Variants in CEP112 observed in about 807,000 individuals in gnomAD.
CEP112 encodes centrosomal protein 112, also known as centrosomal protein of 112 kDa.
Under a neutral mutation model 153.0 loss-of-function variants are expected in CEP112, and 127 were observed. The observed-to-expected ratio is 0.83, with a 90% CI of 0.72 to 0.96. The LOEUF is 0.96. CEP112 is among the 40% of genes least tolerant of loss of function. The pLI is 0.00. For missense variants in CEP112, 1,089 were observed against 1,101.2 expected (o/e 0.99, Z 0.16); for synonymous variants, 358 against 374.4 (o/e 0.96, Z 0.51).
chr17:66,039,897 T>C (rs912588280), intron 12 of CEP112, among the ~76,000 whole-genome samples: 51 of 152,224 alleles, frequency 3.4e-4, no homozygotes, highest in Non-Finnish European at 4.7e-4. Context: ...TCATCCATGT[T>C]GTGGAATGTA....
chr17:65,938,677 A>G (rs1029558338), intron 18 of CEP112, among the ~76,000 whole-genome samples: 1 of 152,292 alleles, frequency 6.6e-6, no homozygotes, highest in Non-Finnish European at 1.5e-5. Context: ...CTGATGACAT[A>G]AACTATATAC....
intron 8 of CEP112, among the ~76,000 whole-genome samples, chr17:66,081,912 C>T (rs2067735947): frequency 1.3e-5 from 2 of 151,984 alleles, no homozygotes. Flanking sequence ...AAGACTCCAT[C>T]TCAGGGGGAA....
intron 8 of CEP112, among the ~76,000 whole-genome samples, chr17:66,084,659 GGCT>G (rs2067847572): frequency 2.6e-5 from 4 of 152,114 alleles, no homozygotes; most frequent in Non-Finnish European, 2.9e-5. Context: ...GGTTATTAGG[GGCT>G]GGAAAGGGTA....
At chr17:65,824,354 A>C (rs2056736280) in intron 21 of CEP112, among the ~76,000 whole-genome samples, 1 of 152,204 alleles carries the variant, frequency 6.6e-6, no homozygotes, top group Admixed American at 6.5e-5. Flanking sequence ...GAAAAGGAGA[A>C]CCTATGGTCA....
intron 22 of CEP112, among the ~76,000 whole-genome samples, chr17:65,744,531 C>A (rs1598448871): frequency 6.6e-6 from 1 of 152,354 alleles, no homozygotes; most frequent in African/African-American, 2.4e-5. Flanking sequence ...AGGCGTGAGC[C>A]ACCATGCTTG....
chr17:65,949,895 CT>C (rs2061764759), intron 18 of CEP112, among the ~76,000 whole-genome samples: 1 of 152,076 alleles, frequency 6.6e-6, no homozygotes, highest in Non-Finnish European at 1.5e-5. Flanking sequence ...ATACAATATT[CT>C]TTTTTTAACT....
rs1023739028 is a variant in CEP112, at chr17:66,129,226, C to G, written c.642+520G>C. On this transcript the variant is annotated intron_variant, in intron 6 of 26. Coordinates refer to ENST00000535342, the MANE Select transcript of CEP112 (RefSeq NM_001199165.4). Reference sequence around the variant, plus strand: ...CATACATAAATTCCAAACACCCAATCACGACAGCTCACTTACCCCACTACA... The same window carrying G: ...CATACATAAATTCCAAACACCCAATGACGACAGCTCACTTACCCCACTACA... Among the ~76,000 whole-genome samples, 41 of 152,198 alleles carry G rather than the reference C, an allele frequency of 2.7e-4. 1 individual carries two copies. The highest frequency in any genetic ancestry group is 2.7e-3 in the Admixed American group (41 of 15,286).
At chr17:65,924,547 A>T (rs2060853091) in intron 19 of CEP112, among the ~76,000 whole-genome samples, 2 of 152,126 alleles carry the variant, frequency 1.3e-5, no homozygotes. Flanking sequence ...CATGATTTTT[A>T]AAAATAAAAT....
chr17:65,650,826 TGAACCCA>T (rs1280073629), intron 24 of CEP112, among the ~76,000 whole-genome samples: 2 of 151,594 alleles, frequency 1.3e-5, no homozygotes, highest in African/African-American at 2.4e-5. Flanking sequence ...GAGAATCGCT[TGAACCCA>T]GGAGGCGGAG....
chr17:65,811,356 G>A (rs2055941123), intron 21 of CEP112, among the ~76,000 whole-genome samples: 1 of 152,192 alleles, frequency 6.6e-6, no homozygotes, highest in South Asian at 2.1e-4. Flanking sequence ...TTAATCGATT[G>A]TAAGTCCCAC....
At chr17:65,898,673 C>T (rs1245694794) in intron 20 of CEP112, among the ~76,000 whole-genome samples, 3 of 152,070 alleles carry the variant, frequency 2.0e-5, no homozygotes, top group African/African-American at 7.2e-5. Flanking sequence ...ATGCTAAATT[C>T]AATATATTTT....
chr17:65,848,411 C>A (rs1024968369), intron 21 of CEP112, among the ~76,000 whole-genome samples: 2 of 152,162 alleles, frequency 1.3e-5, no homozygotes, highest in African/African-American at 4.8e-5. Flanking sequence ...TCCAAATAGT[C>A]TTTTCCTCTA....
intron 20 of CEP112, among the ~76,000 whole-genome samples, chr17:65,898,365 T>C (rs1411473113): frequency 6.6e-6 from 1 of 152,086 alleles, no homozygotes; most frequent in African/African-American, 2.4e-5. Context: ...GGCCCAAATT[T>C]GCAAATGCAT....
intron 1 of CEP112, among the ~76,000 whole-genome samples, chr17:66,187,690 T>C (rs1177100132): frequency 6.6e-6 from 1 of 152,236 alleles, no homozygotes; most frequent in Non-Finnish European, 1.5e-5. Flanking sequence ...GTGATTGTAT[T>C]CAGTACCATC....
rs769977544 is a variant in CEP112, at chr17:66,155,192, G to A, written c.470+19852C>T. Among the ~76,000 whole-genome samples, 14 of 152,248 alleles carry A rather than the reference G, an allele frequency of 9.2e-5. No homozygotes were observed. The East Asian group carries it at 1.4e-3, about 15-fold the overall frequency. On this transcript the variant is annotated intron_variant, in intron 4 of 26. Transcript: ENST00000535342. ...TTCTGCATTTCCAACTGAGGTACCCGGCTAATCTCACTGGGACTGGTTAGA... is the reference window on the plus strand; with the variant it reads ...TTCTGCATTTCCAACTGAGGTACCCAGCTAATCTCACTGGGACTGGTTAGA...
chr17:65,970,424 ATG>A lies in CEP112; in HGVS notation c.1737-8828_1737-8827del, dbSNP rs2062665489. Reference sequence around the variant, plus strand: ...TGCACACATCATGCATGTATATTACATGCATGCACACATCATGCATGTATATT... The same window carrying A: ...TGCACACATCATGCATGTATATTACACATGCACACATCATGCATGTATATT... On this transcript the variant is annotated intron_variant, in intron 17 of 26. Transcript: ENST00000535342. Among the ~76,000 whole-genome samples, 15 of 56,474 alleles carry A rather than the reference ATG, an allele frequency of 2.7e-4. No homozygotes were observed. The Admixed American group carries it at 3.9e-3, about 15-fold the overall frequency. The allele number at this position is 56,474 out of a possible 152,430, so 37.0% of individuals were successfully genotyped here. A position where few individuals can be genotyped will look rare whatever the true frequency, so the allele number is the denominator to read the frequency against.
At chr17:65,963,666 T>A (rs1358075977) in intron 17 of CEP112, among the ~76,000 whole-genome samples, 1 of 143,404 alleles carries the variant, frequency 7.0e-6, no homozygotes, top group Admixed American at 6.8e-5. Context: ...GATATAGATA[T>A]AGATAGGGGT....
chr17:65,796,486 T>C (rs1027544947), intron 21 of CEP112, among the ~76,000 whole-genome samples: 1 of 152,090 alleles, frequency 6.6e-6, no homozygotes, highest in African/African-American at 2.4e-5. Flanking sequence ...TTAAGCAATA[T>C]AAACATTTAA....
intron 17 of CEP112, among the ~76,000 whole-genome samples, chr17:65,978,369 T>C (rs935783304): frequency 1.3e-5 from 2 of 152,360 alleles, no homozygotes; most frequent in Admixed American, 6.5e-5. Flanking sequence ...AAGGTAAACA[T>C]TGGCATTCTA....
Sources: gnomAD v4.1 joint callset for allele counts (sites outside exome capture counted in the v4.1 genomes callset) on GRCh38, gnomAD v4.1.1 for gene constraint, MANE v1.5 for transcripts, NCBI Gene and HGNC (gene_info 2026-07-23, HGNC 2026-07-21) for gene names.